DCC: variants seen among roughly 807,000 people sequenced by gnomAD.
DCC encodes DCC netrin 1 receptor.
Under a neutral mutation model 172.5 loss-of-function variants are expected in DCC, and 58 were observed. The observed-to-expected ratio is 0.34, with a 90% CI of 0.27 to 0.42. The LOEUF is 0.42. DCC is among the 10% of genes least tolerant of loss of function. The pLI is 1.00. For synonymous variants in DCC, 709 were observed against 644.5 expected, an observed-to-expected ratio of 1.10 and a Z score of -1.52; for missense variants, 1,740 against 1,791.0, an observed-to-expected ratio of 0.97 and a Z score of 0.51.
intron 1 of DCC, among the ~76,000 whole-genome samples, chr18:52,351,747 G>GT (rs1488961709): frequency 6.6e-6 from 1 of 152,076 alleles, no homozygotes; most frequent in Non-Finnish European, 1.5e-5. Context: ...TTTTTTTGGA[G>GT]TTTTTATAGA....
chr18:52,803,344 C>T (rs185627505), intron 2 of DCC, among the ~76,000 whole-genome samples: 35 of 152,280 alleles, frequency 2.3e-4, no homozygotes, highest in African/African-American at 8.4e-4. Context: ...ACTCACAACA[C>T]TTGAACTCAC....
chr18:52,421,008 T>G (rs898618844), intron 1 of DCC, among the ~76,000 whole-genome samples: 2 of 152,136 alleles, frequency 1.3e-5, no homozygotes, highest in Non-Finnish European at 2.9e-5. Flanking sequence ...ACCTTGGTAT[T>G]ATTACTTTTG....
intron 2 of DCC, among the ~76,000 whole-genome samples, chr18:52,786,507 T>G (rs1598801476): frequency 6.6e-6 from 1 of 152,258 alleles, no homozygotes; most frequent in South Asian, 2.1e-4. Context: ...TAGAAAAAAC[T>G]TTAACCTTAT....
chr18:52,390,845 A>G (rs1329203205), intron 1 of DCC, among the ~76,000 whole-genome samples: 2 of 152,100 alleles, frequency 1.3e-5, no homozygotes, highest in Non-Finnish European at 2.9e-5. Context: ...ATTCATTATT[A>G]CACTTCCCTC....
At chr18:52,474,180 C>T (rs1057110690) in intron 1 of DCC, among the ~76,000 whole-genome samples, 4 of 148,298 alleles carry the variant, frequency 2.7e-5, no homozygotes, top group Non-Finnish European at 4.4e-5. Flanking sequence ...ATCACTTCAA[C>T]TTTCCATACA....
rs35238619 is a variant in DCC at position 53,448,047 on chromosome 18, G to GTTTTTTTTTTTTTTTTTTTTTTTTTTT, written c.3230-2430_3230-2429insTTTTTTTTTTTTTTTTTTTTTTTTTTT. On this transcript the variant is annotated intron_variant, in intron 22 of 28. Transcript: ENST00000442544. ...CTATAATTTATTTAAATTTTGATGA[G>GTTTTTTTTTTTTTTTTTTTTTTTTTTT]TTTTTTTTTTTTTTTTTTTTTTTAC... 1.8e-5 allele frequency among the ~76,000 whole-genome samples: 2 copies of GTTTTTTTTTTTTTTTTTTTTTTTTTTT among 113,756 alleles called. 1 individual carries two copies. Among genetic ancestry groups the GTTTTTTTTTTTTTTTTTTTTTTTTTTT allele is most frequent in the Non-Finnish European group, 3.5e-5 (2 of 57,354 alleles). The allele number at this position is 113,756 out of a possible 152,430, so 74.6% of individuals were successfully genotyped here.
chr18:52,365,537 G>C (rs1476590615), intron 1 of DCC, among the ~76,000 whole-genome samples: 2 of 152,016 alleles, frequency 1.3e-5, no homozygotes, highest in African/African-American at 4.8e-5. Context: ...GGGGTTTATG[G>C]TCTGAGGTAC....
At chr18:52,664,588 A>T (rs1408370852) in intron 1 of DCC, among the ~76,000 whole-genome samples, 2 of 144,022 alleles carry the variant, frequency 1.4e-5, no homozygotes, top group Non-Finnish European at 3.0e-5. Context: ...CTCCTGCCTC[A>T]GCCTCCCGAG....
intron 2 of DCC, among the ~76,000 whole-genome samples, chr18:52,886,843 A>C (rs1568168603): frequency 6.6e-6 from 1 of 152,278 alleles, no homozygotes; most frequent in South Asian, 2.1e-4. Context: ...GGGATGGCAA[A>C]TGTAGCCTTC....
At position 52,490,332 on chromosome 18, in the gene DCC, A is replaced by G. The variant is rs1261731698; in HGVS notation, c.91+149454A>G. On this transcript the variant is annotated intron_variant, in intron 1 of 28. Transcript: ENST00000442544. ...CCTGCTTAAGAAACAATAGCCAGAA[A>G]GCAGGTAAGAAAGTGTTTTTTTCTT... is the stretch of plus-strand genomic sequence containing the variant. Among the ~76,000 whole-genome samples, 4 of 152,138 alleles carry G rather than the reference A, an allele frequency of 2.6e-5. No individual in the cohort carries two copies. The East Asian group carries it at 5.8e-4, about 22-fold the overall frequency.
chr18:53,062,623 AT>A (rs2042511949), intron 5 of DCC, among the ~76,000 whole-genome samples: 2 of 152,170 alleles, frequency 1.3e-5, no homozygotes, highest in Non-Finnish European at 2.9e-5. Context: ...TATATTTATA[AT>A]TTTCATTCAA....
chr18:53,354,987 A>C (rs983838654), intron 15 of DCC, among the ~76,000 whole-genome samples: 1 of 152,088 alleles, frequency 6.6e-6, no homozygotes, highest in Non-Finnish European at 1.5e-5. Context: ...TCAGCTTTCT[A>C]CATATGGCTA....
chr18:52,351,041 C>T (rs376114788), intron 1 of DCC, among the ~76,000 whole-genome samples: 1 of 152,124 alleles, frequency 6.6e-6, no homozygotes, highest in Non-Finnish European at 1.5e-5. Flanking sequence ...AAAGAAAATA[C>T]TGTAGGAAAG....
At chr18:52,826,864 T>A (rs1019311111) in intron 2 of DCC, among the ~76,000 whole-genome samples, 2 of 152,184 alleles carry the variant, frequency 1.3e-5, no homozygotes, top group African/African-American at 4.8e-5. Context: ...GATAAAAATA[T>A]TCAGAAATAT....
chr18:53,199,590 T>A (rs2055503826), intron 9 of DCC, among the ~76,000 whole-genome samples: 1 of 116,774 alleles, frequency 8.6e-6, no homozygotes, highest in Non-Finnish European at 1.8e-5. Flanking sequence ...AATATATTCT[T>A]CATATATATG....
At chr18:53,172,569 T>C (rs1171339764) in intron 8 of DCC, among the ~76,000 whole-genome samples, 2 of 152,162 alleles carry the variant, frequency 1.3e-5, no homozygotes, top group Non-Finnish European at 2.9e-5. Context: ...TATTTAGTAT[T>C]TGTAAGAATA....
At chr18:52,344,808 A>T (rs1302020805) in intron 1 of DCC, among the ~76,000 whole-genome samples, 2 of 152,170 alleles carry the variant, frequency 1.3e-5, no homozygotes, top group East Asian at 3.8e-4. Flanking sequence ...TCTACCAGTA[A>T]AGATAACTAT....
chr18:53,221,676 G>T (rs950229306), intron 12 of DCC, among the ~76,000 whole-genome samples: 17 of 152,060 alleles, frequency 1.1e-4, no homozygotes, highest in African/African-American at 4.1e-4. Flanking sequence ...AATGAGCAAA[G>T]AAACCAATTC....
intron 9 of DCC, among the ~76,000 whole-genome samples, chr18:53,195,901 T>C (rs1343405074): frequency 6.6e-6 from 1 of 152,212 alleles, no homozygotes; most frequent in Non-Finnish European, 1.5e-5. Context: ...TCTAGGTGTT[T>C]TCTGTGCATT....
Sources: gnomAD v4.1 joint callset for allele counts (sites outside exome capture counted in the v4.1 genomes callset) on GRCh38, gnomAD v4.1.1 for gene constraint, MANE v1.5 for transcripts, NCBI Gene and HGNC (gene_info 2026-07-23, HGNC 2026-07-21) for gene names.